Variants in INTU observed in about 807,000 individuals in gnomAD.
INTU encodes inturned planar cell polarity protein, also known as protein inturned.
A neutral mutation model predicts 100.5 loss-of-function variants in INTU; 68 were observed. The ratio of observed to expected loss-of-function variants is 0.68; its 90% CI spans 0.56 to 0.83. The LOEUF is 0.83. Among genes scored for constraint, INTU ranks in the 40% least tolerant of loss-of-function variants. The probability of loss-of-function intolerance (pLI) is 0.00; values close to 1 mark genes in which losing one functional copy is unlikely to be tolerated. For missense variants in INTU, 1,071 were observed against 1,114.7 expected, an observed-to-expected ratio of 0.96 and a Z score of 0.56; for synonymous variants, 357 against 395.7, an observed-to-expected ratio of 0.90 and a Z score of 1.16.
chr4:127,680,317 ACCAATAT>A (rs1729468999), intron 6 of INTU, among the ~76,000 whole-genome samples: 1 of 151,042 alleles, frequency 6.6e-6, no homozygotes, highest in Non-Finnish European at 1.5e-5. Context: ...AGAATTTTAG[ACCAATAT>A]CCTTGATGAA....
At chr4:127,644,797 A>C (rs913015100) in intron 2 of INTU, among the ~76,000 whole-genome samples, 2 of 152,248 alleles carry the variant, frequency 1.3e-5, no homozygotes, top group African/African-American at 4.8e-5. Flanking sequence ...AAAAGCTGAC[A>C]GTCTTTTAAG....
intron 5 of INTU, among the ~76,000 whole-genome samples, chr4:127,673,607 C>CT (rs913704124): frequency 9.0e-6 from 1 of 111,224 alleles, no homozygotes; most frequent in Non-Finnish European, 1.9e-5. Flanking sequence ...TTTCTTTTTT[C>CT]TTTTTTTGAG....
intron 2 of INTU, among the ~76,000 whole-genome samples, chr4:127,650,206 T>G (rs908314147): frequency 7.2e-5 from 11 of 152,218 alleles, no homozygotes; most frequent in African/African-American, 1.4e-4. Context: ...GGTTTTTGTT[T>G]TGTTTTGTTT....
rs771880818 is a variant in INTU, at chr4:127,717,624, A to G, written c.*1188A>G. The stretch of plus-strand genomic sequence containing the variant: ...CCACCAACAGTGTAAAAGCGTTCCT[A>G]TTTCCTCACAGCCTCGCCAGCATCT... On this transcript the variant is annotated 3_prime_UTR_variant, in exon 16 of 16. Coordinates refer to ENST00000335251, the MANE Select transcript of INTU (RefSeq NM_015693.4). 1 of 152,080 alleles carries G rather than the reference A, an allele frequency of 6.6e-6. No homozygotes were observed. Among genetic ancestry groups the G allele is most frequent in the Non-Finnish European group, 1.5e-5 (1 of 68,010 alleles). The allele number at this position is 152,080 out of a possible 1,614,324, so 9.4% of individuals were successfully genotyped here. A position where few individuals can be genotyped will look rare whatever the true frequency, so the allele number is the denominator to read the frequency against.
In INTU at chr4:127,643,781, A is replaced by G. The variant is rs143158055; in HGVS notation, c.407A>G (p.Asn136Ser). 4.6e-5 allele frequency: 74 copies of G among 1,614,066 alleles called. No individual in the cohort carries two copies. The African/African-American group carries it at 8.0e-4, about 17-fold the overall frequency. The change falls in exon 2 of 16, where the codon AAT (asparagine) becomes AGT (serine). Residue 136 changes from asparagine (N) to serine (S), a missense_variant. Transcript: ENST00000335251. ...TGCAATAAAAAAAATAGCAATGACA[A>G]TGGACCAGTATCCATTCTAAAGCAT... ...KRCNKKNSNDNGPVSILKHQS... is the reference protein window; with the variant it reads ...KRCNKKNSNDSGPVSILKHQS...
intron 8 of INTU, among the ~76,000 whole-genome samples, chr4:127,696,237 G>A (rs1270038506): frequency 1.3e-5 from 2 of 152,044 alleles, no homozygotes; most frequent in Non-Finnish European, 2.9e-5. Flanking sequence ...TATTCCCTCT[G>A]TTTCTGTCTT....
At chr4:127,696,899 A>G (rs771220873) in intron 8 of INTU, among the ~76,000 whole-genome samples, 1 of 152,178 alleles carries the variant, frequency 6.6e-6, no homozygotes, top group Non-Finnish European at 1.5e-5. Context: ...AGTTCAAAAT[A>G]TTTTAAGACC....
intron 4 of INTU, 100 bp downstream of exon 4, chr4:127,663,684 T>C: frequency 4.7e-6 from 4 of 857,962 alleles, no homozygotes; most frequent in African/African-American, 3.4e-5. Flanking sequence ...GTGAGTATAT[T>C]TGATTTAAGC....
intron 4 of INTU, among the ~76,000 whole-genome samples, chr4:127,668,584 T>G (rs985628941): frequency 2.0e-5 from 3 of 151,822 alleles, no homozygotes; most frequent in Non-Finnish European, 4.4e-5. Flanking sequence ...TATTGTCTTT[T>G]AAAAAATAAT....
At chr4:127,691,141 A>C (rs371762164) in intron 8 of INTU, among the ~76,000 whole-genome samples, 1 of 152,236 alleles carries the variant, frequency 6.6e-6, no homozygotes, top group East Asian at 1.9e-4. Context: ...TCTTTCACTT[A>C]GTAATATACA....
intron 2 of INTU, among the ~76,000 whole-genome samples, chr4:127,654,210 T>A (rs1192203592): frequency 1.3e-5 from 2 of 151,980 alleles, no homozygotes; most frequent in African/African-American, 4.8e-5. Context: ...CTGGAGCATT[T>A]AGTCCATTTA....
chr4:127,638,353 A>T (rs1334710623), intron 1 of INTU, among the ~76,000 whole-genome samples: 2 of 152,228 alleles, frequency 1.3e-5, no homozygotes, highest in African/African-American at 4.8e-5. Flanking sequence ...ATACTATAAC[A>T]GATTTGGAAT....
chr4:127,694,233 A>G (rs1168771798), intron 8 of INTU, among the ~76,000 whole-genome samples: 2 of 150,738 alleles, frequency 1.3e-5, no homozygotes, highest in South Asian at 2.1e-4. Flanking sequence ...TTCCATAACC[A>G]TTTCAATCTC....
chr4:127,686,153 G>A (rs1382275465), intron 7 of INTU: 3 of 152,130 alleles, frequency 2.0e-5, no homozygotes, highest in African/African-American at 7.2e-5. Flanking sequence ...TTTTAAAGTT[G>A]TGAGCTGGTT....
chr4:127,715,511 A>G (rs1731236637), intron 15 of INTU, among the ~76,000 whole-genome samples: 1 of 152,144 alleles, frequency 6.6e-6, no homozygotes, highest in Non-Finnish European at 1.5e-5. Flanking sequence ...GGGAATCTGT[A>G]TTTTTAGTAA....
chr4:127,715,836 A>G (rs1057400830), intron 15 of INTU, among the ~76,000 whole-genome samples: 20 of 152,234 alleles, frequency 1.3e-4, no homozygotes, highest in East Asian at 1.9e-4. Flanking sequence ...ATCAATTTGT[A>G]TACATTAGTA....
chr4:127,659,109 G>A (rs770853317), intron 3 of INTU, among the ~76,000 whole-genome samples: 10 of 152,154 alleles, frequency 6.6e-5, no homozygotes, highest in Non-Finnish European at 1.0e-4. Context: ...GCAATAATGT[G>A]AGTGATGGGG....
At chr4:127,706,994 G>T in intron 12 of INTU, 25 bp downstream of exon 12, 2 of 1,584,446 alleles carry the variant, frequency 1.3e-6, no homozygotes, top group Non-Finnish European at 8.6e-7. Flanking sequence ...AAGTGTGTAT[G>T]TTCTGGGAGC....
rs1731357765 is a variant in INTU at position 127,722,333 on chromosome 4, G to A, written c.*5897G>A. On this transcript the variant is annotated 3_prime_UTR_variant, in exon 16 of 16. Coordinates refer to ENST00000335251, the MANE Select transcript of INTU (RefSeq NM_015693.4). Reference sequence around the variant, plus strand: ...TGGCAGCCTGCTCCTTCCTCTGGGAGCTCTGTCCCAGAGGGGCACTGGCCT... The same window carrying A: ...TGGCAGCCTGCTCCTTCCTCTGGGAACTCTGTCCCAGAGGGGCACTGGCCT... 6.6e-6 allele frequency: 1 copy of A among 152,408 alleles called. No homozygotes were observed. Among genetic ancestry groups the A allele is most frequent in the Admixed American group, 6.5e-5 (1 of 15,286 alleles). 9.4% of individuals were successfully genotyped at this position (152,408 alleles called of 1,614,324 possible).
Sources: allele counts gnomAD v4.1 joint callset (sites outside exome capture counted in the v4.1 genomes callset), GRCh38; gene constraint gnomAD v4.1.1; transcripts MANE v1.5; gene names NCBI Gene and HGNC (gene_info 2026-07-23, HGNC 2026-07-21).